The following ANGPT1 variants were observed in gnomAD, a reference collection of about 807,000 sequenced individuals.
The protein encoded by ANGPT1 is angiopoietin 1.
In ANGPT1, 17 loss-of-function variants were observed where a neutral mutation model predicts 62.2. The ratio of observed to expected loss-of-function variants is 0.27; its 90% CI spans 0.19 to 0.41. The LOEUF (loss-of-function observed/expected upper bound fraction) is 0.41, where lower values mean the gene tolerates loss of function less well. ANGPT1 is among the 10% of genes least tolerant of loss of function. The probability of loss-of-function intolerance (pLI) is 1.00; values close to 1 mark genes in which losing one functional copy is unlikely to be tolerated. For missense variants in ANGPT1, 478 were observed against 594.9 expected (o/e 0.80, Z 2.04); for synonymous variants, 199 against 198.9 (o/e 1.00, Z 0.00).
rs758150012 is a variant in ANGPT1, at chr8:107,284,671, G to A, written c.1205+11C>T. 2.6e-6 allele frequency: 4 copies of A among 1,560,646 alleles called. No homozygotes were observed. In the Admixed American group the frequency reaches 5.1e-5, roughly 20 times the overall value. On this transcript the variant is annotated intron_variant, in intron 7 of 8. Transcript: ENST00000517746. ...AAAGGTAGTCGAACACTACACTGTA[G>A]CATGACTTACCTATAGTTTTGCTTT...
At chr8:107,275,524 C>T (rs7009229) in intron 7 of ANGPT1, among the ~76,000 whole-genome samples, 139,317 of 152,192 alleles carry the variant, frequency 0.92, 63,801 homozygotes, top group Middle Eastern at 0.96. Flanking sequence ...AGTCACAGCA[C>T]ATTTGTGATT....
intron 7 of ANGPT1, among the ~76,000 whole-genome samples, chr8:107,270,828 CAGAAA>C (rs551849304): frequency 1.6e-3 from 237 of 151,736 alleles, no homozygotes; most frequent in African/African-American, 5.3e-3. Flanking sequence ...ATCTATAATC[CAGAAA>C]AGAAATGTTT....
intron 1 of ANGPT1, among the ~76,000 whole-genome samples, chr8:107,435,917 T>G (rs1365758341): frequency 6.6e-6 from 1 of 152,156 alleles, no homozygotes; most frequent in Non-Finnish European, 1.5e-5. Flanking sequence ...ATTGATTGGT[T>G]GATTAGACAG....
intron 1 of ANGPT1, among the ~76,000 whole-genome samples, chr8:107,474,197 T>C (rs1016925993): frequency 8.3e-6 from 1 of 120,858 alleles, no homozygotes; most frequent in Admixed American, 8.9e-5. Flanking sequence ...AATAAAATAC[T>C]GGCAAACCGA....
chr8:107,440,527 C>G (rs1277057676), intron 1 of ANGPT1, among the ~76,000 whole-genome samples: 3 of 152,154 alleles, frequency 2.0e-5, no homozygotes. Context: ...TGGGATGATT[C>G]AAAGTCCTAT....
At chr8:107,479,003 C>G (rs1812606062) in intron 1 of ANGPT1, among the ~76,000 whole-genome samples, 1 of 152,104 alleles carries the variant, frequency 6.6e-6, no homozygotes, top group Non-Finnish European at 1.5e-5. Flanking sequence ...CAGTTGCAGT[C>G]ATGGGGTCAC....
chr8:107,424,020 T>C (rs1043879592), intron 1 of ANGPT1, among the ~76,000 whole-genome samples: 7 of 151,766 alleles, frequency 4.6e-5, no homozygotes, highest in South Asian at 2.1e-4. Flanking sequence ...TTTGTATTTT[T>C]AGTAGAGACA....
At chr8:107,270,479 T>G (rs914114386) in intron 7 of ANGPT1, among the ~76,000 whole-genome samples, 3 of 152,042 alleles carry the variant, frequency 2.0e-5, no homozygotes, top group Non-Finnish European at 4.4e-5. Context: ...AATGGCTCAA[T>G]CTGACAAGAG....
At chr8:107,437,598 T>C (rs939970537) in intron 1 of ANGPT1, among the ~76,000 whole-genome samples, 1 of 152,232 alleles carries the variant, frequency 6.6e-6, no homozygotes, top group African/African-American at 2.4e-5. Context: ...ACAGTAGCTC[T>C]GTTTATTTTA....
intron 1 of ANGPT1, among the ~76,000 whole-genome samples, chr8:107,493,672 A>G (rs533546895): frequency 6.6e-6 from 1 of 150,558 alleles, no homozygotes; most frequent in African/African-American, 2.4e-5. Context: ...TCATTTTTTC[A>G]TTTAACACAT....
chr8:107,277,624 A>C (rs184140290), intron 7 of ANGPT1, among the ~76,000 whole-genome samples: 1 of 152,356 alleles, frequency 6.6e-6, no homozygotes, highest in Admixed American at 6.5e-5. Context: ...TTAACAAGTG[A>C]TTAAGCTTAG....
chr8:107,375,721 T>C (rs1672183), intron 1 of ANGPT1, among the ~76,000 whole-genome samples: 112,338 of 151,976 alleles, frequency 0.74, 42,490 homozygotes, highest in East Asian at 0.87. Context: ...AAGAATGGAA[T>C]GAAGCAGAGA....
At chr8:107,410,047 C>A (rs937812720) in intron 1 of ANGPT1, among the ~76,000 whole-genome samples, 4 of 151,998 alleles carry the variant, frequency 2.6e-5, no homozygotes, top group African/African-American at 9.7e-5. Context: ...TATGCCAGAC[C>A]CAGGGGGAAA....
intron 2 of ANGPT1, among the ~76,000 whole-genome samples, chr8:107,339,606 A>T (rs2130131052): frequency 6.6e-6 from 1 of 152,256 alleles, no homozygotes. Flanking sequence ...TCACTATTGA[A>T]AACTATCATA....
intron 1 of ANGPT1, among the ~76,000 whole-genome samples, chr8:107,387,541 C>G (rs1183068103): frequency 6.6e-6 from 1 of 151,934 alleles, no homozygotes; most frequent in Non-Finnish European, 1.5e-5. Flanking sequence ...GTACAATAGA[C>G]TATTTGTAAT....
At chr8:107,491,540 T>C (rs913526275) in intron 1 of ANGPT1, among the ~76,000 whole-genome samples, 4 of 152,112 alleles carry the variant, frequency 2.6e-5, no homozygotes, top group Non-Finnish European at 4.4e-5. Flanking sequence ...AAGACCTGAA[T>C]GAAGAGAAGT....
intron 1 of ANGPT1, among the ~76,000 whole-genome samples, chr8:107,388,249 C>T (rs959071172): frequency 2.6e-5 from 4 of 151,846 alleles, no homozygotes; most frequent in African/African-American, 7.3e-5. Flanking sequence ...CCTGTCTCTA[C>T]AAAAACTTAA....
intron 1 of ANGPT1, among the ~76,000 whole-genome samples, chr8:107,449,764 GAACCCGTCTTCATTC>G: frequency 6.6e-6 from 1 of 151,968 alleles, no homozygotes; most frequent in South Asian, 2.1e-4. Context: ...TTTGTGCAAA[GAACCCGTCTTCATTC>G]TTTATACGTA....
At chr8:107,485,531 G>A (rs1158369767) in intron 1 of ANGPT1, among the ~76,000 whole-genome samples, 3 of 152,138 alleles carry the variant, frequency 2.0e-5, no homozygotes, top group Non-Finnish European at 4.4e-5. Flanking sequence ...CAAAACGAGA[G>A]GAAGAACTAT....
Sources: gnomAD v4.1 joint callset for allele counts (sites outside exome capture counted in the v4.1 genomes callset) on GRCh38, gnomAD v4.1.1 for gene constraint, MANE v1.5 for transcripts, NCBI Gene and HGNC (gene_info 2026-07-23, HGNC 2026-07-21) for gene names.